Variants in FAM50B observed in about 807,000 individuals in gnomAD.
FAM50B encodes protein FAM50B.
FAM50B carries 9 observed loss-of-function variants against 25.4 expected under a neutral mutation model. The ratio of observed to expected loss-of-function variants is 0.35; its 90% CI spans 0.21 to 0.62. The LOEUF is 0.62. Among genes scored for constraint, FAM50B ranks in the 20% least tolerant of loss-of-function variants. The pLI, the probability that FAM50B is intolerant of heterozygous loss-of-function variation, is 0.73. For synonymous variants in FAM50B, 212 were observed against 204.3 expected (o/e 1.04, Z -0.32); for missense variants, 372 against 477.9 (o/e 0.78, Z 2.07).
chr6:3,844,568 G>A (rs994399848), upstream of FAM50B, among the ~76,000 whole-genome samples: 19 of 151,884 alleles, frequency 1.3e-4, no homozygotes, highest in South Asian at 1.7e-3. Flanking sequence ...AAAATTAGCC[G>A]GGCGTGGTGG....
upstream of FAM50B, among the ~76,000 whole-genome samples, chr6:3,847,754 T>C (rs1049272267): frequency 1.3e-5 from 2 of 152,278 alleles, no homozygotes; most frequent in Non-Finnish European, 2.9e-5. Context: ...TTTGACATAC[T>C]TTCCTCACTG....
At chr6:3,836,579 C>G in the FAM50B span, among the ~76,000 whole-genome samples, 54,270 of 152,060 alleles carry the variant, frequency 0.36, 10,023 homozygotes, top group South Asian at 0.45. Context: ...CAGTCAAGAT[C>G]TAGCAAGTTA....
chr6:3,836,825 T>C, the FAM50B span, among the ~76,000 whole-genome samples: 1 of 152,290 alleles, frequency 6.6e-6, no homozygotes, highest in African/African-American at 2.4e-5. Context: ...AGCCTGAGTC[T>C]ACTGAAGGAC....
rs1361197173 is a variant in FAM50B at position 3,849,450 on chromosome 6, C to T, written c.-60C>T. 9.4e-6 allele frequency: 2 copies of T among 212,438 alleles called. No individual in the cohort carries two copies. Among genetic ancestry groups the T allele is most frequent in the Non-Finnish European group, 1.9e-5 (2 of 106,148 alleles). 13.2% of individuals were successfully genotyped at this position (212,438 alleles called of 1,614,324 possible). On this transcript the variant is annotated 5_prime_UTR_variant, in exon 1 of 2. Transcript: ENST00000648326. Reference sequence around the variant, plus strand: ...CGTGGGTGGTTCTCGTGGAGGTCAGCTCCCGCGTGTCTCCGCTCGACAGGG... The same window carrying T: ...CGTGGGTGGTTCTCGTGGAGGTCAGTTCCCGCGTGTCTCCGCTCGACAGGG...
chr6:3,851,072 G>A lies in FAM50B; in HGVS notation c.*283G>A, dbSNP rs1038239867. 1 of 432,466 alleles carries A rather than the reference G, an allele frequency of 2.3e-6. No individual in the cohort carries two copies. The highest frequency in any genetic ancestry group is 4.3e-6 in the Non-Finnish European group (1 of 233,874). 26.8% of individuals were successfully genotyped at this position (432,466 alleles called of 1,614,324 possible). A position where few individuals can be genotyped will look rare whatever the true frequency, so the allele number is the denominator to read the frequency against. On this transcript the variant is annotated 3_prime_UTR_variant, in exon 2 of 2. Transcript: ENST00000648326. Reference sequence around the variant, plus strand: ...CACTGTCAGACAGAAATTAGAATAGGAGGCACATTTTTTACCTGGTGGTTA... The same window carrying A: ...CACTGTCAGACAGAAATTAGAATAGAAGGCACATTTTTTACCTGGTGGTTA...
At chr6:3,838,858 AAACAC>A in the FAM50B span, among the ~76,000 whole-genome samples, 2 of 150,572 alleles carry the variant, frequency 1.3e-5, no homozygotes, top group African/African-American at 4.9e-5. Flanking sequence ...AAAAAAAAAA[AAACAC>A]ACACACAAGA....
rs1423580433 is a variant in FAM50B, at chr6:3,850,830, A to C, written c.*41A>C. 3 of 1,598,230 alleles carry C rather than the reference A, an allele frequency of 1.9e-6. No homozygotes were observed. The African/African-American group carries it at 4.0e-5, about 22-fold the overall frequency. On this transcript the variant is annotated 3_prime_UTR_variant, in exon 2 of 2. Transcript: ENST00000648326. ...GCGGAAACCGGGGGTGGGGGGAGAC[A>C]CTCATTTCTAGGCCCCATCACCAGT...
the FAM50B span, among the ~76,000 whole-genome samples, chr6:3,840,232 A>T: frequency 1.3e-5 from 2 of 151,934 alleles, no homozygotes; most frequent in Admixed American, 1.3e-4. Flanking sequence ...TGACCTCGTG[A>T]TCCGCCCGCC....
At chr6:3,849,287 T>G (rs1333231760), upstream of FAM50B, 1 of 153,488 alleles carries the variant, frequency 6.5e-6, no homozygotes, top group African/African-American at 2.4e-5. Flanking sequence ...GCGATCCACC[T>G]CCACTTCCTG....
At chr6:3,849,061 G>A (rs1762158601), upstream of FAM50B, among the ~76,000 whole-genome samples, 1 of 152,212 alleles carries the variant, frequency 6.6e-6, no homozygotes, top group Admixed American at 6.5e-5. Flanking sequence ...TTGCTTCTGC[G>A]TGTTTACAGT....
the FAM50B span, among the ~76,000 whole-genome samples, chr6:3,841,551 A>G: frequency 6.6e-6 from 1 of 152,212 alleles, no homozygotes; most frequent in African/African-American, 2.4e-5. Context: ...TAACGTTGTC[A>G]GAGACAACAT....
the FAM50B span, among the ~76,000 whole-genome samples, chr6:3,838,076 C>A: frequency 6.6e-6 from 1 of 152,200 alleles, no homozygotes; most frequent in Non-Finnish European, 1.5e-5. Flanking sequence ...CTGTAGAAAA[C>A]AGTTTAGTAG....
At position 3,850,980 on chromosome 6, in the gene FAM50B, A is replaced by G; in HGVS notation, c.*191A>G. 2.1e-6 allele frequency: 2 copies of G among 932,102 alleles called. No individual in the cohort carries two copies. The highest frequency in any genetic ancestry group is 1.7e-5 in the African/African-American group (1 of 59,740). 57.7% of individuals were successfully genotyped at this position (932,102 alleles called of 1,614,324 possible). A position where few individuals can be genotyped will look rare whatever the true frequency, so the allele number is the denominator to read the frequency against. On this transcript the variant is annotated 3_prime_UTR_variant, in exon 2 of 2. Transcript: ENST00000648326. ...GTTGCTTGGTTGGTCTTTTCTGAGTATTTTAGTGTTGCCACCTGGATTTGC... is the reference window on the plus strand; with the variant it reads ...GTTGCTTGGTTGGTCTTTTCTGAGTGTTTTAGTGTTGCCACCTGGATTTGC...
chr6:3,844,253 A>G, the FAM50B span, among the ~76,000 whole-genome samples: 9 of 152,154 alleles, frequency 5.9e-5, no homozygotes, highest in African/African-American at 2.2e-4. Context: ...ATTTTTTTCT[A>G]AATTAGTTTG....
At chr6:3,835,116 T>C in the FAM50B span, among the ~76,000 whole-genome samples, 1 of 152,092 alleles carries the variant, frequency 6.6e-6, no homozygotes, top group Non-Finnish European at 1.5e-5. Flanking sequence ...TGCATGTCAG[T>C]GAAGTGTCCA....
the FAM50B span, among the ~76,000 whole-genome samples, chr6:3,843,751 G>A: frequency 0.47 from 71,906 of 152,150 alleles, 17,323 homozygotes; most frequent in Non-Finnish European, 0.49. Flanking sequence ...CCCTTTATTC[G>A]AAAGCGTGCA....
At chr6:3,846,100 GACAA>G (rs956468349), upstream of FAM50B, among the ~76,000 whole-genome samples, 35 of 152,108 alleles carry the variant, frequency 2.3e-4, no homozygotes, top group African/African-American at 8.0e-4. Context: ...GACCTTAGAG[GACAA>G]ACAAAGAGAT....
chr6:3,844,294 A>G, the FAM50B span, among the ~76,000 whole-genome samples: 2 of 151,996 alleles, frequency 1.3e-5, no homozygotes, highest in Non-Finnish European at 2.9e-5. Context: ...GAGTCACTAG[A>G]ACAGAATGCT....
In FAM50B at chr6:3,850,211, G is replaced by A. The variant is rs1365385824; in HGVS notation, c.400G>A (p.Ala134Thr). 1.2e-6 allele frequency: 2 copies of A among 1,613,218 alleles called. No homozygotes were observed. Among genetic ancestry groups the A allele is most frequent in the African/African-American group, 1.3e-5 (1 of 74,930 alleles). ...LDDLDDQADAAEARRAGNLGK... is the reference protein window; with the variant it reads ...LDDLDDQADATEARRAGNLGK... The stretch of plus-strand genomic sequence containing the variant: ...CGACCTCGATGACCAGGCCGACGCG[G>A]CCGAGGCCAGGCGCGCCGGAAACCT... Residue 134 changes from alanine (A) to threonine (T), a missense_variant, in exon 2 of 2, where the codon GCC becomes ACC. Coordinates refer to ENST00000648326, the MANE Select transcript of FAM50B (RefSeq NM_012135.3).
Sources: gnomAD v4.1 joint callset for allele counts (sites outside exome capture counted in the v4.1 genomes callset) on GRCh38, gnomAD v4.1.1 for gene constraint, MANE v1.5 for transcripts, NCBI Gene and HGNC (gene_info 2026-07-23, HGNC 2026-07-21) for gene names.